Variants in AVEN observed in about 807,000 individuals in gnomAD.
AVEN encodes the protein cell death regulator Aven.
A neutral mutation model predicts 38.1 loss-of-function variants in AVEN; 41 were observed. The observed-to-expected ratio is 1.08, with a 90% CI of 0.84 to 1.40. The LOEUF (loss-of-function observed/expected upper bound fraction) is 1.40. AVEN is among the 40% of genes most tolerant of loss of function. The pLI, the probability that AVEN is intolerant of heterozygous loss-of-function variation, is 0.00. For synonymous variants in AVEN, 206 were observed against 171.8 expected (o/e 1.20, Z -1.56); for missense variants, 605 against 438.8 (o/e 1.38, Z -3.38).
At chr15:33,869,475 CAT>C (rs775385464) in intron 4 of AVEN, among the ~76,000 whole-genome samples, 7 of 152,146 alleles carry the variant, frequency 4.6e-5, no homozygotes, top group African/African-American at 1.2e-4. Context: ...CATTCCTCAT[CAT>C]ATGAGATCAA....
At chr15:33,866,787 T>C (rs1001108901) in intron 5 of AVEN, 59 bp from the exon 6 acceptor site, 9 of 1,218,214 alleles carry the variant, frequency 7.4e-6, no homozygotes, top group Non-Finnish European at 1.1e-5. Context: ...GAAGGTATAA[T>C]TCAGCCCAAT....
downstream of AVEN, chr15:33,858,072 C>A: frequency 1.0e-6 from 1 of 959,792 alleles, no homozygotes; most frequent in Non-Finnish European, 1.5e-6. Flanking sequence ...ATGTCTTCTC[C>A]AAACAGGAGA....
chr15:33,991,358 A>G (rs1896715124), intron 2 of AVEN: 1 of 152,228 alleles, frequency 6.6e-6, no homozygotes, highest in Non-Finnish European at 1.5e-5. Context: ...GCAAGAAGAA[A>G]AATGGAAGTG....
chr15:33,927,470 A>G (rs575405579), intron 2 of AVEN, among the ~76,000 whole-genome samples: 1 of 152,250 alleles, frequency 6.6e-6, no homozygotes, highest in South Asian at 2.1e-4. Flanking sequence ...TATGTATAAA[A>G]CACTCTAAAA....
intron 5 of AVEN, among the ~76,000 whole-genome samples, chr15:34,061,566 CT>C (rs962545789): frequency 6.6e-6 from 1 of 152,092 alleles, no homozygotes; most frequent in Non-Finnish European, 1.5e-5. Flanking sequence ...AAAATATACA[CT>C]AAACTGTTAG....
chr15:34,036,441 TC>T (rs1277390628), intron 1 of AVEN, among the ~76,000 whole-genome samples: 3 of 152,190 alleles, frequency 2.0e-5, no homozygotes, highest in African/African-American at 7.2e-5. Flanking sequence ...GATTTTTTTT[TC>T]CTTTGATCAT....
intron 1 of AVEN, among the ~76,000 whole-genome samples, chr15:34,019,690 C>T (rs1409738598): frequency 6.6e-6 from 1 of 152,204 alleles, no homozygotes; most frequent in Non-Finnish European, 1.5e-5. Context: ...TGTGATATAA[C>T]TGTCTACAGT....
intron 2 of AVEN, among the ~76,000 whole-genome samples, chr15:33,902,061 T>G (rs1027285542): frequency 6.6e-6 from 1 of 152,226 alleles, no homozygotes; most frequent in African/African-American, 2.4e-5. Context: ...ATCTTTGCTT[T>G]TGTAGCTTGA....
intron 2 of AVEN, among the ~76,000 whole-genome samples, chr15:33,896,389 G>C (rs1892233761): frequency 6.6e-6 from 1 of 152,148 alleles, no homozygotes; most frequent in Admixed American, 6.5e-5. Flanking sequence ...CCAGGCGTCA[G>C]TTCTCTCCCT....
intron 2 of AVEN, among the ~76,000 whole-genome samples, chr15:33,978,156 A>G (rs1597299815): frequency 6.6e-6 from 1 of 152,168 alleles, no homozygotes; most frequent in Admixed American, 6.5e-5. Flanking sequence ...ATCCAAGTAC[A>G]TGAAGAAAGA....
At chr15:33,947,989 T>C (rs1372969479) in intron 2 of AVEN, among the ~76,000 whole-genome samples, 1 of 152,246 alleles carries the variant, frequency 6.6e-6, no homozygotes, top group Non-Finnish European at 1.5e-5. Flanking sequence ...AAACTGTAAG[T>C]GTAAACACAC....
intron 2 of AVEN, among the ~76,000 whole-genome samples, chr15:33,999,033 G>A (rs1297979176): frequency 1.3e-5 from 2 of 152,122 alleles, no homozygotes; most frequent in African/African-American, 4.8e-5. Flanking sequence ...TGTTGTGCTG[G>A]GTCTCTTCCA....
At chr15:33,860,573 G>T (rs766399186) in intron 11 of AVEN, 1 of 1,511,128 alleles carries the variant, frequency 6.6e-7, no homozygotes, top group Non-Finnish European at 9.0e-7. Flanking sequence ...AGATTGCTTT[G>T]TCTTTGTATT....
At chr15:33,870,171 C>T (rs1290359903) in intron 4 of AVEN, among the ~76,000 whole-genome samples, 2 of 152,106 alleles carry the variant, frequency 1.3e-5, no homozygotes, top group African/African-American at 4.8e-5. Flanking sequence ...CTCAGTACAG[C>T]CCTCTCCTCT....
Position 34,039,055 on chromosome 15 carries a change from C to A in AVEN, c.-9G>T. ...CCTCGCTCCGCCTGCATCTGGCCGC[C>A]GCTGGCGGTGCTGAGCGCGCGGGAG... On this transcript the variant is annotated 5_prime_UTR_variant, in exon 1 of 6. Transcript: ENST00000306730. The A allele has an allele frequency of 9.1e-7, 1 of 1,101,336 alleles. No homozygotes were observed. Among genetic ancestry groups the A allele is most frequent in the South Asian group, 4.2e-5 (1 of 23,870 alleles). The allele number at this position is 1,101,336 out of a possible 1,614,324, so 68.2% of individuals were successfully genotyped here. A position where few individuals can be genotyped will look rare whatever the true frequency, so the allele number is the denominator to read the frequency against.
chr15:33,929,354 T>C (rs1484146204), intron 2 of AVEN, among the ~76,000 whole-genome samples: 1 of 152,152 alleles, frequency 6.6e-6, no homozygotes. Flanking sequence ...AAGTCCTGAC[T>C]TCATATTTTG....
rs147788884 is a variant in AVEN, at chr15:33,866,247, T to G, written c.*366A>C. 4.8e-6 allele frequency: 1 copy of G among 208,908 alleles called. No homozygotes were observed. The highest frequency in any genetic ancestry group is 2.3e-5 in the African/African-American group (1 of 43,462). 12.9% of individuals were successfully genotyped at this position (208,908 alleles called of 1,614,324 possible). On this transcript the variant is annotated 3_prime_UTR_variant, in exon 6 of 6. Transcript: ENST00000306730. Reference sequence around the variant, plus strand: ...AAAACTGGACAGACCAGCATTTGTTTATTTTGGCCAAATGCATGCCTTGTT... The same window carrying G: ...AAAACTGGACAGACCAGCATTTGTTGATTTTGGCCAAATGCATGCCTTGTT...
chr15:33,867,726 C>T lies in AVEN; in HGVS notation c.742G>A (p.Ala248Thr), dbSNP rs772754452. ...CCCAGCAACACAGGGCAGCCAGCAG[C>T]CACAGATTTCAGCTCAAAGATGGGC... Reference protein sequence around the residue: ...RGPIFELKSVAAGCPVLLGKD... With the variant: ...RGPIFELKSVTAGCPVLLGKD... Residue 248 changes from alanine to threonine, a missense_variant, in exon 5 of 6, where the codon GCT becomes ACT. Coordinates refer to ENST00000306730, the MANE Select transcript of AVEN (RefSeq NM_020371.3). 3.1e-6 allele frequency: 5 copies of T among 1,614,038 alleles called. No individual in the cohort carries two copies. The African/African-American group carries it at 5.3e-5, about 17-fold the overall frequency.
At chr15:33,979,212 T>C (rs1282399357) in intron 2 of AVEN, among the ~76,000 whole-genome samples, 1 of 152,196 alleles carries the variant, frequency 6.6e-6, no homozygotes, top group African/African-American at 2.4e-5. Context: ...AATGGGTATC[T>C]AGGCTATTAT....
Sources: gnomAD v4.1 joint callset for allele counts (sites outside exome capture counted in the v4.1 genomes callset) on GRCh38, gnomAD v4.1.1 for gene constraint, MANE v1.5 for transcripts, NCBI Gene and HGNC (gene_info 2026-07-23, HGNC 2026-07-21) for gene names.